The following IRAK3 variants were observed in gnomAD, a reference collection of about 807,000 sequenced individuals.
IRAK3 encodes the protein interleukin 1 receptor associated kinase 3.
Under a neutral mutation model 56.6 loss-of-function variants are expected in IRAK3, and 57 were observed. The observed-to-expected ratio is 1.01, with a 90% confidence interval of 0.81 to 1.26. The LOEUF is 1.26. Among genes scored for constraint, IRAK3 ranks in the 50% most tolerant of loss-of-function variants. IRAK3 has a pLI of 0.00. For missense variants in IRAK3, 703 were observed against 719.0 expected (o/e 0.98, Z 0.25); for synonymous variants, 258 against 255.7 (o/e 1.01, Z -0.09).
chr12:66,243,639 G>A (rs866151760), intron 8 of IRAK3, among the ~76,000 whole-genome samples: 5 of 152,106 alleles, frequency 3.3e-5, no homozygotes, highest in East Asian at 3.9e-4. Flanking sequence ...TATGCACTTC[G>A]TTTTCCCCCT....
chr12:66,234,156 C>T, intron 8 of IRAK3: 1 of 1,614,208 alleles, frequency 6.2e-7, no homozygotes, highest in Non-Finnish European at 8.5e-7. Flanking sequence ...GCCTCCTCAA[C>T]AGGAGCCGCT....
rs903589543 is a variant in IRAK3 at position 66,193,471 on chromosome 12, A to G, written c.133+4039A>G. 3.3e-5 allele frequency among the ~76,000 whole-genome samples: 5 copies of G among 152,232 alleles called. No individual in the cohort carries two copies. In the East Asian group the frequency reaches 5.8e-4, roughly 18 times the overall value. ...GCTGCATTCATTACAATATTGACAC[A>G]TTATTATTAACTAAAGTCCATGCTT... is the stretch of plus-strand genomic sequence containing the variant. On this transcript the variant is annotated intron_variant, in intron 1 of 11. Coordinates refer to ENST00000261233, the MANE Select transcript of IRAK3 (RefSeq NM_007199.3).
At chr12:66,241,595 G>C (rs1036204707) in intron 8 of IRAK3, among the ~76,000 whole-genome samples, 2 of 152,202 alleles carry the variant, frequency 1.3e-5, no homozygotes, top group Admixed American at 1.3e-4. Context: ...TCCTAAAACA[G>C]AACATCCTTC....
At chr12:66,243,046 A>T (rs1252317592) in intron 8 of IRAK3, among the ~76,000 whole-genome samples, 1 of 151,878 alleles carries the variant, frequency 6.6e-6, no homozygotes, top group Non-Finnish European at 1.5e-5. Context: ...AGCCTGGGGG[A>T]CAAGAATGAA....
chr12:66,238,240 T>C (rs935535913), intron 8 of IRAK3, among the ~76,000 whole-genome samples: 19 of 152,196 alleles, frequency 1.2e-4, no homozygotes, highest in African/African-American at 4.3e-4. Context: ...TACTAATACC[T>C]TAAGGGTAGC....
At chr12:66,205,769 A>T (rs1565800880) in intron 2 of IRAK3, among the ~76,000 whole-genome samples, 1 of 152,176 alleles carries the variant, frequency 6.6e-6, no homozygotes, top group Non-Finnish European at 1.5e-5. Context: ...GGGCTTTTAT[A>T]TTCCAGCTTC....
chr12:66,217,173 GA>G lies in IRAK3; in HGVS notation c.598del (p.Met200CysfsTer26). The G allele has an allele frequency of 1.2e-6, 2 of 1,605,202 alleles. No individual in the cohort carries two copies. Among genetic ancestry groups the G allele is most frequent in the Non-Finnish European group, 8.5e-7 (1 of 1,171,984 alleles). ...TYAVKLFKQE[K>X]KMQCKKHWKR... ...TTCTTGTCTTTCTGTATATGTAGGA[GA>G]AAAAAATGCAGTGTAAGAAGCATTG... is the stretch of plus-strand genomic sequence containing the variant. On this transcript the variant is annotated frameshift_variant, in exon 6 of 12. Coordinates refer to ENST00000261233, the MANE Select transcript of IRAK3 (RefSeq NM_007199.3). LOFTEE classifies it high-confidence loss of function.
chr12:66,242,789 G>A (rs2052984389), intron 8 of IRAK3, among the ~76,000 whole-genome samples: 1 of 152,314 alleles, frequency 6.6e-6, no homozygotes, highest in East Asian at 1.9e-4. Context: ...AAAAGACCGC[G>A]GGGTCTGGGC....
rs147846659 is a variant in IRAK3 at position 66,245,178 on chromosome 12, C to G, written c.1230C>G (p.Cys410Trp). 6.2e-7 allele frequency: 1 copy of G among 1,614,144 alleles called. No homozygotes were observed. Among genetic ancestry groups the G allele is most frequent in the South Asian group, 1.1e-5 (1 of 91,072 alleles). Reference sequence around the variant, plus strand: ...TTCTAGATAAGAAAGTGCCTCCCTGCCCTCGGAATTTCTCTGCCAAGCTCT... The same window carrying G: ...TTCTAGATAAGAAAGTGCCTCCCTGGCCTCGGAATTTCTCTGCCAAGCTCT... ...LSFLDKKVPP[C>W]PRNFSAKLFC... Residue 410 changes from cysteine (C) to tryptophan (W), a missense_variant, in exon 11 of 12, where the codon TGC becomes TGG. By Grantham distance (215) the Cys-to-Trp change is radical (BLOSUM62 -2). Transcript: ENST00000261233.
At chr12:66,208,746 G>A (rs2052582667) in intron 2 of IRAK3, among the ~76,000 whole-genome samples, 1 of 149,420 alleles carries the variant, frequency 6.7e-6, no homozygotes, top group South Asian at 2.1e-4. Flanking sequence ...GGGTGACAGA[G>A]CGAGACTCTG....
At chr12:66,234,276 G>A in intron 8 of IRAK3, 1 of 1,613,114 alleles carries the variant, frequency 6.2e-7, no homozygotes, top group South Asian at 1.1e-5. Context: ...TGCTGGGCCA[G>A]AGGGCTGATC....
rs1314994426 is a variant in IRAK3 at position 66,253,628 on chromosome 12, T to C, written c.*5457T>C. On this transcript the variant is annotated 3_prime_UTR_variant, in exon 12 of 12. Transcript: ENST00000261233. ...ATAGCAAGATAATATTTACAGAGTTTTACATTGGCTCTTGAATTTTAAAAT... is the reference window on the plus strand; with the variant it reads ...ATAGCAAGATAATATTTACAGAGTTCTACATTGGCTCTTGAATTTTAAAAT... 2 of 152,228 alleles carry C rather than the reference T, an allele frequency of 1.3e-5. No homozygotes were observed. The highest frequency in any genetic ancestry group is 4.8e-5 in the African/African-American group (2 of 41,464). The allele number at this position is 152,228 out of a possible 1,614,324, so 9.4% of individuals were successfully genotyped here. A position where few individuals can be genotyped will look rare whatever the true frequency, so the allele number is the denominator to read the frequency against.
At chr12:66,213,343 TG>T (rs1360665114) in intron 5 of IRAK3, among the ~76,000 whole-genome samples, 1 of 152,044 alleles carries the variant, frequency 6.6e-6, no homozygotes, top group Non-Finnish European at 1.5e-5. Flanking sequence ...TGAATTTGGG[TG>T]GGGACACAGC....
Position 66,254,066 on chromosome 12 carries a change from G to A in IRAK3, c.*5895G>A, listed in dbSNP as rs556884381. The A allele has an allele frequency of 5.3e-5, 8 of 152,186 alleles. No homozygotes were observed. The highest frequency in any genetic ancestry group is 1.7e-4 in the African/African-American group (7 of 41,538). The allele number at this position is 152,186 out of a possible 1,614,324, so 9.4% of individuals were successfully genotyped here. A position where few individuals can be genotyped will look rare whatever the true frequency, so the allele number is the denominator to read the frequency against. On this transcript the variant is annotated 3_prime_UTR_variant, in exon 12 of 12. Transcript: ENST00000261233. Reference sequence around the variant, plus strand: ...AAAGATAAAGCAATTGACAAAAATGGAATTCTTGTTCAATACTGGCAGGAG... The same window carrying A: ...AAAGATAAAGCAATTGACAAAAATGAAATTCTTGTTCAATACTGGCAGGAG...
chr12:66,203,787 A>G lies in IRAK3; in HGVS notation c.210A>G (p.Arg70=). The change falls in exon 2 of 12, where the codon AGA becomes AGG. Residue 70 remains arginine, a synonymous_variant. Coordinates refer to ENST00000261233, the MANE Select transcript of IRAK3 (RefSeq NM_007199.3). ...KYVDQGKSGT[R]ELLWSWAQKN... ...TAGACCAAGGTAAAAGTGGAACAAG[A>G]GAATTACTTTGGTCCTGGGCACAGA... is the stretch of plus-strand genomic sequence containing the variant. 2 of 1,613,956 alleles carry G rather than the reference A, an allele frequency of 1.2e-6. No individual in the cohort carries two copies. Among genetic ancestry groups the G allele is most frequent in the Non-Finnish European group, 1.7e-6 (2 of 1,179,852 alleles).
At chr12:66,231,386 A>T (rs1182764564) in intron 8 of IRAK3, among the ~76,000 whole-genome samples, 1 of 152,176 alleles carries the variant, frequency 6.6e-6, no homozygotes, top group South Asian at 2.1e-4. Context: ...TATCTTGACA[A>T]TCCCATTCAT....
intron 6 of IRAK3, among the ~76,000 whole-genome samples, chr12:66,221,107 A>G (rs2052728926): frequency 6.6e-6 from 1 of 152,042 alleles, no homozygotes; most frequent in Non-Finnish European, 1.5e-5. Context: ...TTTATTCCTA[A>G]GTGTTTTATT....
Sources: gnomAD v4.1 joint callset for allele counts (sites outside exome capture counted in the v4.1 genomes callset) on GRCh38, gnomAD v4.1.1 for gene constraint, MANE v1.5 for transcripts, NCBI Gene and HGNC (gene_info 2026-07-23, HGNC 2026-07-21) for gene names.